The following CORO7 variants were observed in gnomAD, a reference collection of about 807,000 sequenced individuals.
CORO7 encodes coronin-7.
Under a neutral mutation model 126.6 loss-of-function variants are expected in CORO7, and 107 were observed. The ratio of observed to expected loss-of-function variants is 0.85; its 90% CI spans 0.72 to 0.99. The LOEUF (loss-of-function observed/expected upper bound fraction) is 0.99. Among genes scored for constraint, CORO7 ranks in the 50% least tolerant of loss-of-function variants. The pLI is 0.00. For synonymous variants in CORO7, 603 were observed against 536.8 expected, an observed-to-expected ratio of 1.12 and a Z score of -1.70; for missense variants, 1,314 against 1,255.8, an observed-to-expected ratio of 1.05 and a Z score of -0.70.
chr16:4,387,897 C>T (rs1023448563), intron 9 of CORO7, 89 bp downstream of exon 9: 7 of 1,514,492 alleles, frequency 4.6e-6, no homozygotes, highest in African/African-American at 1.4e-5. Flanking sequence ...GAGATCAGCC[C>T]GCCTCACTGA....
Position 4,362,250 on chromosome 16 carries a change from A to G in CORO7, c.1403-90T>C. On this transcript the variant is annotated intron_variant, in intron 15 of 27. Transcript: ENST00000251166. This position sits in a 1 kb window ranked among gnomAD's most constrained non-coding sequence, Gnocchi z 5.3. ...TGAGTCCCGGCTGCCCACTCCCCTCACCCCAGGTGGATGTACAGCATGGAC... is the reference window on the plus strand; with the variant it reads ...TGAGTCCCGGCTGCCCACTCCCCTCGCCCCAGGTGGATGTACAGCATGGAC... The G allele has an allele frequency of 6.8e-7, 1 of 1,481,450 alleles. No homozygotes were observed. The highest frequency in any genetic ancestry group is 9.0e-7 in the Non-Finnish European group (1 of 1,111,644). 91.8% of individuals were successfully genotyped at this position (1,481,450 alleles called of 1,614,324 possible). A position where few individuals can be genotyped will look rare whatever the true frequency, so the allele number is the denominator to read the frequency against.
At chr16:4,394,402 T>A (rs1306938913) in intron 7 of CORO7, among the ~76,000 whole-genome samples, 1 of 141,440 alleles carries the variant, frequency 7.1e-6, no homozygotes, top group Non-Finnish European at 1.5e-5. Flanking sequence ...TGAGCCGAGA[T>A]CACAACGCTA....
intron 6 of CORO7, among the ~76,000 whole-genome samples, chr16:4,404,013 C>A (rs1379181361): frequency 6.6e-6 from 1 of 152,112 alleles, no homozygotes; most frequent in Non-Finnish European, 1.5e-5. Context: ...GCCTTATTGG[C>A]CCCCAGAGCT....
chr16:4,415,882 C>T (rs1164721789), intron 1 of CORO7: 1 of 985,622 alleles, frequency 1.0e-6, no homozygotes, highest in Non-Finnish European at 1.2e-6. Context: ...GCCGTGGCAG[C>T]ATCACCGAGA....
rs1374461332 is a variant in CORO7, at chr16:4,355,330, G to C, written c.2728C>G (p.Pro910Ala). 1.2e-6 allele frequency: 2 copies of C among 1,612,778 alleles called. No individual in the cohort carries two copies. The highest frequency in any genetic ancestry group is 1.7e-6 in the Non-Finnish European group (2 of 1,179,948). ...MVAKLGNREDPLPQDSFEGVD... is the reference protein window; with the variant it reads ...MVAKLGNREDALPQDSFEGVD... ...CCTTCAAAGGAGTCCTGGGGGAGTG[G>C]GTCCTCCCGGTTCCCCAGTTTTGCC... Residue 910 changes from proline to alanine, a missense_variant, in exon 27 of 28, where the codon CCA becomes GCA. Physicochemically the swap from Pro to Ala is conservative, Grantham distance 27. Coordinates refer to ENST00000251166, the MANE Select transcript of CORO7 (RefSeq NM_024535.5).
chr16:4,376,887 T>C (rs935995226), intron 9 of CORO7, among the ~76,000 whole-genome samples: 4 of 152,196 alleles, frequency 2.6e-5, no homozygotes, highest in African/African-American at 9.6e-5. Context: ...AAAGCTGGCC[T>C]GAAACCCTCT....
intron 9 of CORO7, among the ~76,000 whole-genome samples, chr16:4,366,930 T>G (rs1476564359): frequency 6.6e-6 from 1 of 152,158 alleles, no homozygotes; most frequent in Non-Finnish European, 1.5e-5. Context: ...CCCACTGTGT[T>G]GCCAGGGTCA....
chr16:4,383,779 G>T (rs74949027), intron 9 of CORO7, among the ~76,000 whole-genome samples: 10,521 of 152,334 alleles, frequency 0.069, 510 homozygotes, highest in South Asian at 0.13. Context: ...TCTTCTGCCA[G>T]CAGGGGCTCT....
intron 5 of CORO7, 96 bp from the exon 6 acceptor site, chr16:4,405,663 G>T: frequency 6.8e-7 from 1 of 1,465,758 alleles, no homozygotes; most frequent in Non-Finnish European, 9.2e-7. Flanking sequence ...CAGAGCAAAG[G>T]CAGCAGCTAC....
intron 1 of CORO7, among the ~76,000 whole-genome samples, chr16:4,415,116 A>T (rs577240257): frequency 2.6e-4 from 39 of 152,148 alleles, no homozygotes; most frequent in Admixed American, 6.5e-4. Flanking sequence ...CAGTCCACCC[A>T]AAGTACTGGG....
At chr16:4,395,953 T>C (rs962646248) in intron 6 of CORO7, among the ~76,000 whole-genome samples, 4 of 151,346 alleles carry the variant, frequency 2.6e-5, no homozygotes, top group Non-Finnish European at 5.9e-5. Context: ...ATGCTTTGTA[T>C]AGACCTTCTT....
chr16:4,405,390 C>T (rs1158313881), intron 6 of CORO7, 101 bp downstream of exon 6: 2 of 1,350,816 alleles, frequency 1.5e-6, no homozygotes, highest in African/African-American at 1.5e-5. Context: ...CTCAGTGCTC[C>T]ACTGCCTCCT....
intron 23 of CORO7, chr16:4,358,937 G>C (rs2141177474): frequency 3.0e-6 from 1 of 328,886 alleles, no homozygotes; most frequent in African/African-American, 2.2e-5. Flanking sequence ...ACCTTATCTA[G>C]TGCAATTTTT....
intron 3 of CORO7, among the ~76,000 whole-genome samples, chr16:4,409,005 T>C (rs775420381): frequency 1.5e-4 from 23 of 150,992 alleles, no homozygotes; most frequent in Non-Finnish European, 2.7e-4. Context: ...GCTCCAGAGG[T>C]GGGGAGGGGT....
In CORO7 at chr16:4,364,994, A is replaced by G. The variant is rs2054304445; in HGVS notation, c.898+9T>C. 5.6e-6 allele frequency: 9 copies of G among 1,605,860 alleles called. No individual in the cohort carries two copies. Among genetic ancestry groups the G allele is most frequent in the Non-Finnish European group, 7.6e-6 (9 of 1,176,654 alleles). On this transcript the variant is annotated intron_variant, in intron 11 of 27. Transcript: ENST00000251166. ...GGGTAGGGGATGGGGGCGAGGAAGC[A>G]AGGCTTACCTGGGCTCAGCGCCGGC...
chr16:4,409,969 T>C (rs1267224071), intron 3 of CORO7, among the ~76,000 whole-genome samples: 1 of 152,178 alleles, frequency 6.6e-6, no homozygotes, highest in Non-Finnish European at 1.5e-5. Context: ...GGGCTGCTCA[T>C]GCAGGCAAGG....
chr16:4,400,388 C>G (rs1205678974), intron 6 of CORO7, among the ~76,000 whole-genome samples: 1 of 152,134 alleles, frequency 6.6e-6, no homozygotes, highest in Non-Finnish European at 1.5e-5. Flanking sequence ...AATCCCAGCA[C>G]TTTGGGAGGC....
intron 1 of CORO7, 33 bp downstream of exon 1, chr16:4,416,426 G>A (rs1187426843): frequency 1.3e-6 from 2 of 1,544,754 alleles, no homozygotes; most frequent in East Asian, 2.6e-5. Flanking sequence ...CGGGGCCCGA[G>A]GCGACAGCGC....
chr16:4,377,522 G>A (rs1421860956), intron 9 of CORO7, among the ~76,000 whole-genome samples: 1 of 152,212 alleles, frequency 6.6e-6, no homozygotes, highest in African/African-American at 2.4e-5. Context: ...TACAACTCCA[G>A]AGGGTGAGGG....
Sources: gnomAD v4.1 joint callset for allele counts (sites outside exome capture counted in the v4.1 genomes callset) on GRCh38, gnomAD v4.1.1 for gene constraint, Gnocchi (gnomAD v3.1) non-coding constraint, MANE v1.5 for transcripts, NCBI Gene and HGNC (gene_info 2026-07-23, HGNC 2026-07-21) for gene names.